The following DTNB variants were observed in gnomAD, a reference collection of about 807,000 sequenced individuals.
DTNB encodes dystrobrevin beta.
In DTNB, 63 loss-of-function variants were observed where a neutral mutation model predicts 90.7. That is an observed-to-expected ratio of 0.69 (90% CI 0.57 to 0.86). The LOEUF (loss-of-function observed/expected upper bound fraction) is 0.86. Among genes scored for constraint, DTNB ranks in the 40% least tolerant of loss-of-function variants. The pLI, the probability that DTNB is intolerant of heterozygous loss-of-function variation, is 0.00. For missense variants in DTNB, 744 were observed against 807.1 expected, an observed-to-expected ratio of 0.92 and a Z score of 0.95; for synonymous variants, 277 against 286.7, an observed-to-expected ratio of 0.97 and a Z score of 0.34.
In DTNB at chr2:25,541,861, T is replaced by C. The variant is rs60681738; in HGVS notation, c.877-10264A>G. On this transcript the variant is annotated intron_variant, in intron 8 of 20. Coordinates refer to ENST00000406818, the MANE Select transcript of DTNB (RefSeq NM_021907.5). ...ACTACTTTCCACAAAAGTTGCACCA[T>C]TTTGAATTCCACCAATAGTTCACAA... 9.8e-3 allele frequency among the ~76,000 whole-genome samples: 1,485 copies of C among 152,296 alleles called. 26 individuals are homozygous for C. Among genetic ancestry groups the C allele is most frequent in the African/African-American group, 0.034 (1,412 of 41,548 alleles).
At chr2:25,602,500 C>T (rs1482108579) in intron 5 of DTNB, among the ~76,000 whole-genome samples, 1 of 152,188 alleles carries the variant, frequency 6.6e-6, no homozygotes, top group Non-Finnish European at 1.5e-5. Context: ...TAAAAAACTA[C>T]AGCAGAGGAG....
At chr2:25,425,337 C>G (rs2051189814) in intron 15 of DTNB, among the ~76,000 whole-genome samples, 1 of 152,186 alleles carries the variant, frequency 6.6e-6, no homozygotes, top group Non-Finnish European at 1.5e-5. Flanking sequence ...CATAACAAAA[C>G]AGTAATTGTC....
At chr2:25,494,468 G>T (rs2068321190) in intron 9 of DTNB, among the ~76,000 whole-genome samples, 1 of 150,752 alleles carries the variant, frequency 6.6e-6, no homozygotes, top group South Asian at 2.1e-4. Flanking sequence ...GTGGTAAGGG[G>T]GGTGGGGGGA....
chr2:25,581,604 CA>C (rs1194582691), intron 6 of DTNB, among the ~76,000 whole-genome samples: 1 of 152,092 alleles, frequency 6.6e-6, no homozygotes, highest in Non-Finnish European at 1.5e-5. Context: ...GAGTATGTCC[CA>C]CTTAGACACC....
At chr2:25,431,265 G>C (rs1270231493) in intron 14 of DTNB, among the ~76,000 whole-genome samples, 1 of 151,362 alleles carries the variant, frequency 6.6e-6, no homozygotes, top group East Asian at 1.9e-4. Flanking sequence ...GCAATGGCAT[G>C]ATCTTGGCTC....
At chr2:25,558,610 C>T (rs1451512805) in intron 8 of DTNB, among the ~76,000 whole-genome samples, 1 of 152,192 alleles carries the variant, frequency 6.6e-6, no homozygotes, top group Non-Finnish European at 1.5e-5. Context: ...AAACTACACA[C>T]CAATTCTTTA....
At chr2:25,641,749 C>T (rs2078353137) in intron 2 of DTNB, among the ~76,000 whole-genome samples, 1 of 152,200 alleles carries the variant, frequency 6.6e-6, no homozygotes. Context: ...TAGTGCACTG[C>T]AAACACCTTT....
At chr2:25,506,614 T>C (rs1014708763) in intron 9 of DTNB, among the ~76,000 whole-genome samples, 3 of 152,176 alleles carry the variant, frequency 2.0e-5, no homozygotes, top group African/African-American at 2.4e-5. Context: ...AGTGAGAACA[T>C]GAGGAAATAC....
intron 10 of DTNB, among the ~76,000 whole-genome samples, chr2:25,473,731 T>G (rs2063240846): frequency 6.6e-6 from 1 of 152,200 alleles, no homozygotes; most frequent in Non-Finnish European, 1.5e-5. Context: ...CAAATCTTCC[T>G]CCAGTGTTTT....
rs1043906277 is a variant in DTNB at position 25,479,746 on chromosome 2, T to C, written c.1079+3050A>G. ...CACTGTGATTATCACTATTTTTATA[T>C]GCACTGCCTATTAAAAAGGTAGGAA... On this transcript the variant is annotated intron_variant, in intron 10 of 20. Transcript: ENST00000406818. Among the ~76,000 whole-genome samples the C allele has an allele frequency of 4.8e-4, 73 of 152,254 alleles. 1 individual carries two copies. The highest frequency in any genetic ancestry group is 2.5e-3 in the Admixed American group (38 of 15,284).
chr2:25,451,283 G>A (rs1283888319), intron 12 of DTNB, among the ~76,000 whole-genome samples: 2 of 152,096 alleles, frequency 1.3e-5, no homozygotes, highest in Non-Finnish European at 2.9e-5. Flanking sequence ...AATAGAGGTG[G>A]TGAAAGTGGA....
intron 1 of DTNB, among the ~76,000 whole-genome samples, chr2:25,670,976 G>A (rs976517463): frequency 2.0e-5 from 3 of 152,164 alleles, no homozygotes; most frequent in African/African-American, 7.2e-5. Context: ...TACTCACTTA[G>A]TAGCTGTCTC....
At chr2:25,549,063 A>G (rs1295318656) in intron 8 of DTNB, among the ~76,000 whole-genome samples, 2 of 152,218 alleles carry the variant, frequency 1.3e-5, no homozygotes, top group African/African-American at 2.4e-5. Context: ...AATATTTTGT[A>G]AAATTATAAT....
At chr2:25,585,008 C>T (rs2062133591) in intron 6 of DTNB, among the ~76,000 whole-genome samples, 1 of 152,160 alleles carries the variant, frequency 6.6e-6, no homozygotes, top group African/African-American at 2.4e-5. Flanking sequence ...TCTAAAATTC[C>T]ATGACTCAAT....
Position 25,628,263 on chromosome 2 carries a change from A to ACC in DTNB, c.269_270insGG (p.Tyr90Ter). ...TAGAAGGAAGGCGCTTGTTCAACTG[A>ACC]TAGTAGATGGAGGAGATGACAGTTT... ...RLETVISSIYYQLNKRLPSTH... is the reference protein window; with the variant it reads ...RLETVISSIY Residue 90 changes from tyrosine to a stop codon, truncating the protein, a stop_gained and frameshift_variant, in exon 4 of 21, where the codon TAT (tyrosine) becomes TAGGT (stop). Coordinates refer to ENST00000406818, the MANE Select transcript of DTNB (RefSeq NM_021907.5). LOFTEE classifies it high-confidence loss of function. 1 of 1,613,432 alleles carries ACC rather than the reference A, an allele frequency of 6.2e-7. No homozygotes were observed.
At chr2:25,628,066 T>G (rs558780814) in intron 4 of DTNB, 105 bp downstream of exon 4, 1 of 1,212,446 alleles carries the variant, frequency 8.2e-7, no homozygotes, top group Middle Eastern at 2.6e-4. Flanking sequence ...TGATTCTAAG[T>G]TGCCAGCTTA....
At chr2:25,470,257 C>A (rs1315945604) in intron 10 of DTNB, among the ~76,000 whole-genome samples, 1 of 152,110 alleles carries the variant, frequency 6.6e-6, no homozygotes, top group African/African-American at 2.4e-5. Flanking sequence ...CCAGTGAAAA[C>A]CCGAACACCC....
chr2:25,583,542 G>C (rs1382681775), intron 6 of DTNB, among the ~76,000 whole-genome samples: 2 of 151,526 alleles, frequency 1.3e-5, no homozygotes, highest in East Asian at 3.9e-4. Context: ...TTTTGAGACA[G>C]AGTCTCGCTC....
At chr2:25,386,278 T>C (rs1487990162) in intron 18 of DTNB, among the ~76,000 whole-genome samples, 2 of 152,228 alleles carry the variant, frequency 1.3e-5, no homozygotes, top group East Asian at 3.8e-4. Context: ...CCTAAACATG[T>C]GAGCTTTCTC....
Sources: gnomAD v4.1 joint callset for allele counts (sites outside exome capture counted in the v4.1 genomes callset) on GRCh38, gnomAD v4.1.1 for gene constraint, MANE v1.5 for transcripts, NCBI Gene and HGNC (gene_info 2026-07-23, HGNC 2026-07-21) for gene names.